The following ARHGAP24 variants were observed in gnomAD, a reference collection of about 807,000 sequenced individuals.
The protein encoded by ARHGAP24 is rho GTPase-activating protein 24.
A neutral mutation model predicts 76.4 loss-of-function variants in ARHGAP24; 50 were observed. The ratio of observed to expected loss-of-function variants is 0.65; its 90% CI spans 0.52 to 0.83. The LOEUF is 0.83. Among genes scored for constraint, ARHGAP24 ranks in the 40% least tolerant of loss-of-function variants. ARHGAP24 has a pLI of 0.00. For missense variants in ARHGAP24, 930 were observed against 914.2 expected (o/e 1.02, Z -0.22); for synonymous variants, 345 against 323.3 (o/e 1.07, Z -0.72).
At chr4:85,513,370 A>C (rs1050872993) in intron 1 of ARHGAP24, among the ~76,000 whole-genome samples, 1 of 152,126 alleles carries the variant, frequency 6.6e-6, no homozygotes, top group African/African-American at 2.4e-5. Context: ...CCACATGGGG[A>C]TTCCTGTTTC....
chr4:85,918,609 G>A (rs767247022), intron 3 of ARHGAP24, among the ~76,000 whole-genome samples: 4 of 151,662 alleles, frequency 2.6e-5, no homozygotes, highest in African/African-American at 9.7e-5. Flanking sequence ...ACATTTCTTA[G>A]TCTATTAAAT....
intron 1 of ARHGAP24, among the ~76,000 whole-genome samples, chr4:85,535,879 C>T (rs1276434876): frequency 3.9e-5 from 6 of 151,974 alleles, no homozygotes; most frequent in Admixed American, 3.3e-4. Context: ...ACTGTTTTTT[C>T]ATTTCTCTTT....
chr4:85,835,664 T>A (rs536513549), intron 3 of ARHGAP24, among the ~76,000 whole-genome samples: 4 of 152,034 alleles, frequency 2.6e-5, no homozygotes, highest in African/African-American at 9.6e-5. Context: ...AGCGATAGAA[T>A]GTGATAACGA....
In ARHGAP24 at chr4:85,858,811, G is replaced by T. The variant is rs140778182; in HGVS notation, c.269-64837G>T. On this transcript the variant is annotated intron_variant, in intron 3 of 9. Coordinates refer to ENST00000395184, the MANE Select transcript of ARHGAP24 (RefSeq NM_001025616.3). The stretch of plus-strand genomic sequence containing the variant: ...CTGGAGGATCTAGGAGTTTCTGAAA[G>T]ATTTTATTTTACCTGGAGAGATTGA... Among the ~76,000 whole-genome samples the T allele has an allele frequency of 2.4e-3, 372 of 152,076 alleles. 2 individuals carry two copies. Among genetic ancestry groups the T allele is most frequent in the African/African-American group, 8.6e-3 (357 of 41,494 alleles).
chr4:85,655,818 A>AGAGAGAGAAAGAG (rs1237643654), intron 2 of ARHGAP24, among the ~76,000 whole-genome samples: 13 of 35,496 alleles, frequency 3.7e-4, no homozygotes, highest in African/African-American at 8.9e-4. Context: ...GAGAGAGAGA[A>AGAGAGAGAAAGAG]AGAGAGAGAG....
intron 3 of ARHGAP24, among the ~76,000 whole-genome samples, chr4:85,789,145 A>G (rs1392000157): frequency 6.6e-6 from 1 of 151,100 alleles, no homozygotes; most frequent in Non-Finnish European, 1.5e-5. Context: ...CAGAGGCAGG[A>G]GAGGGGCTGA....
chr4:85,955,948 T>G (rs1398410865), intron 5 of ARHGAP24, among the ~76,000 whole-genome samples: 1 of 152,228 alleles, frequency 6.6e-6, no homozygotes, highest in Non-Finnish European at 1.5e-5. Context: ...CTCTTTACAC[T>G]TTATTCCATG....
At chr4:85,742,135 T>C (rs923409617) in intron 3 of ARHGAP24, among the ~76,000 whole-genome samples, 2 of 152,184 alleles carry the variant, frequency 1.3e-5, no homozygotes, top group Admixed American at 6.5e-5. Flanking sequence ...GAAGACACCA[T>C]CTGCCACTGT....
chr4:85,654,975 A>G (rs562372708), intron 2 of ARHGAP24, among the ~76,000 whole-genome samples: 2 of 152,370 alleles, frequency 1.3e-5, no homozygotes, highest in East Asian at 3.9e-4. Flanking sequence ...AGAATTAGCT[A>G]CAGTTTTATA....
At chr4:85,762,508 C>T (rs777620748) in intron 3 of ARHGAP24, among the ~76,000 whole-genome samples, 12 of 152,096 alleles carry the variant, frequency 7.9e-5, no homozygotes, top group Admixed American at 2.0e-4. Flanking sequence ...AACAAAACTG[C>T]GTTGTTTTAA....
intron 2 of ARHGAP24, among the ~76,000 whole-genome samples, chr4:85,637,685 G>A (rs1019281276): frequency 6.6e-6 from 1 of 151,696 alleles, no homozygotes; most frequent in Non-Finnish European, 1.5e-5. Context: ...TAATGATGTT[G>A]AAATAAAAAT....
intron 2 of ARHGAP24, among the ~76,000 whole-genome samples, chr4:85,620,551 C>A (rs1560555882): frequency 6.6e-6 from 1 of 151,438 alleles, no homozygotes; most frequent in African/African-American, 2.4e-5. Flanking sequence ...TTAATCAAAT[C>A]TTTCTAGCCA....
At chr4:85,977,839 A>G (rs1739430686) in intron 8 of ARHGAP24, 148 bp downstream of exon 8, 1 of 1,044,168 alleles carries the variant, frequency 9.6e-7, no homozygotes, top group Middle Eastern at 2.7e-4. Context: ...AAATGTAAAA[A>G]TCTTCCTTTT....
At chr4:85,684,209 C>A (rs1011806787) in intron 2 of ARHGAP24, among the ~76,000 whole-genome samples, 3 of 152,150 alleles carry the variant, frequency 2.0e-5, no homozygotes, top group Non-Finnish European at 2.9e-5. Flanking sequence ...TTTTACATTT[C>A]CACCAACAGT....
At chr4:85,905,380 C>T (rs1416065514) in intron 3 of ARHGAP24, among the ~76,000 whole-genome samples, 1 of 91,064 alleles carries the variant, frequency 1.1e-5, no homozygotes, top group African/African-American at 5.0e-5. Context: ...TCAGAAAAGA[C>T]AGTCTGTTTT....
At chr4:85,693,752 C>T (rs1223008369) in intron 2 of ARHGAP24, among the ~76,000 whole-genome samples, 11 of 152,234 alleles carry the variant, frequency 7.2e-5, no homozygotes, top group African/African-American at 2.7e-4. Context: ...AAGCTGGCCC[C>T]ACTTTCTCCT....
intron 4 of ARHGAP24, among the ~76,000 whole-genome samples, chr4:85,937,386 G>T (rs1389836812): frequency 6.6e-6 from 1 of 152,118 alleles, no homozygotes; most frequent in African/African-American, 2.4e-5. Context: ...TAGAAATTTT[G>T]AGTTTGAAAA....
chr4:85,652,893 T>C (rs868401134), intron 2 of ARHGAP24, among the ~76,000 whole-genome samples: 1 of 152,060 alleles, frequency 6.6e-6, no homozygotes, highest in South Asian at 2.1e-4. Context: ...ATTTTCTGAG[T>C]TTTTTGTTTG....
chr4:85,652,230 T>C (rs929979611), intron 2 of ARHGAP24, among the ~76,000 whole-genome samples: 1 of 152,208 alleles, frequency 6.6e-6, no homozygotes, highest in Non-Finnish European at 1.5e-5. Context: ...TATTTTGTGA[T>C]ACCACTAGTG....
Sources: gnomAD v4.1 joint callset for allele counts (sites outside exome capture counted in the v4.1 genomes callset) on GRCh38, gnomAD v4.1.1 for gene constraint, MANE v1.5 for transcripts, NCBI Gene and HGNC (gene_info 2026-07-23, HGNC 2026-07-21) for gene names.